Variants in CDH4 observed in about 807,000 individuals in gnomAD.
The protein encoded by CDH4 is cadherin-4.
In CDH4, 33 loss-of-function variants were observed where a neutral mutation model predicts 86.0. The observed-to-expected ratio is 0.38, with a 90% CI of 0.29 to 0.51. The LOEUF (loss-of-function observed/expected upper bound fraction) is 0.51, where lower values mean the gene tolerates loss of function less well. Among genes scored for constraint, CDH4 ranks in the 20% least tolerant of loss-of-function variants. CDH4 has a pLI of 0.86. For missense variants in CDH4, 1,114 were observed against 1,307.4 expected (o/e 0.85, Z 2.28); for synonymous variants, 555 against 549.4 (o/e 1.01, Z -0.14).
At chr20:61,411,387 G>A (rs1325671765) in intron 2 of CDH4, among the ~76,000 whole-genome samples, 1 of 149,726 alleles carries the variant, frequency 6.7e-6, no homozygotes, top group Non-Finnish European at 1.5e-5. Flanking sequence ...CTCATGCAAG[G>A]AAAAGCCGCA....
chr20:61,840,617 C>T (rs1024036789), intron 4 of CDH4, among the ~76,000 whole-genome samples: 7 of 152,174 alleles, frequency 4.6e-5, no homozygotes, highest in African/African-American at 1.4e-4. Flanking sequence ...TGGGTCTCCA[C>T]GGCATCCTAA....
intron 3 of CDH4, 109 bp from the exon 4 acceptor site, chr20:61,772,894 C>A: frequency 1.1e-6 from 1 of 906,038 alleles, no homozygotes; most frequent in Non-Finnish European, 1.6e-6. Context: ...GCGTTACCCG[C>A]CTTCCCTCTC....
At chr20:61,917,804 C>A (rs1041975865) in intron 9 of CDH4, among the ~76,000 whole-genome samples, 6 of 152,270 alleles carry the variant, frequency 3.9e-5, no homozygotes, top group Admixed American at 1.3e-4. Context: ...GAGCAAATTA[C>A]CTATTGATTT....
At chr20:61,344,039 G>A (rs1338413754) in intron 2 of CDH4, among the ~76,000 whole-genome samples, 3 of 152,184 alleles carry the variant, frequency 2.0e-5, no homozygotes, top group African/African-American at 7.2e-5. Flanking sequence ...ACAAGTTTGA[G>A]CAAAGACATA....
intron 6 of CDH4, among the ~76,000 whole-genome samples, chr20:61,868,188 C>T (rs1983633983): frequency 6.6e-6 from 1 of 152,196 alleles, no homozygotes; most frequent in East Asian, 1.9e-4. Flanking sequence ...GCTCATCCCA[C>T]GGTGGGGGTG....
At chr20:61,762,641 T>C (rs1289725798) in intron 3 of CDH4, among the ~76,000 whole-genome samples, 1 of 152,206 alleles carries the variant, frequency 6.6e-6, no homozygotes, top group Non-Finnish European at 1.5e-5. Context: ...AGAAGCACAA[T>C]CCCCTCTGTG....
At position 61,703,438 on chromosome 20, in the gene CDH4, G is replaced by T. The variant is rs2087797065; in HGVS notation, c.170-40125G>T. ...CATTTCATAAGGAGGGGACAGTGTG[G>T]CTGGGATATGGGCGGCCTTGCATTT... On this transcript the variant is annotated intron_variant, in intron 2 of 15. Transcript: ENST00000614565. This position sits in a 1 kb window ranked among gnomAD's most constrained non-coding sequence, Gnocchi z 4.3. Among the ~76,000 whole-genome samples the T allele has an allele frequency of 6.6e-6, 1 of 152,214 alleles. No individual in the cohort carries two copies. Among genetic ancestry groups the T allele is most frequent in the South Asian group, 2.1e-4 (1 of 4,828 alleles).
chr20:61,645,566 G>C (rs891326346), intron 2 of CDH4, among the ~76,000 whole-genome samples: 8 of 151,380 alleles, frequency 5.3e-5, no homozygotes, highest in Non-Finnish European at 1.2e-4. Context: ...CAAAGTCAAG[G>C]ATGCAGTGAG....
chr20:61,534,277 G>T (rs1275824711), intron 2 of CDH4, among the ~76,000 whole-genome samples: 1 of 152,210 alleles, frequency 6.6e-6, no homozygotes, highest in Non-Finnish European at 1.5e-5. Flanking sequence ...GTCTCATGCA[G>T]ATGGGACACT....
At chr20:61,478,454 C>A (rs2145576255) in intron 2 of CDH4, among the ~76,000 whole-genome samples, 1 of 152,298 alleles carries the variant, frequency 6.6e-6, no homozygotes, top group Admixed American at 6.5e-5. Flanking sequence ...AGATGTTTGA[C>A]CAGTCAGGGC....
chr20:61,604,612 G>T (rs952007242), intron 2 of CDH4, among the ~76,000 whole-genome samples: 4 of 152,134 alleles, frequency 2.6e-5, no homozygotes, highest in Non-Finnish European at 5.9e-5. Context: ...CCTGGCTTGG[G>T]AGGTGTCTCG....
chr20:61,771,021 T>C (rs552783004), intron 3 of CDH4, among the ~76,000 whole-genome samples: 1 of 150,340 alleles, frequency 6.7e-6, no homozygotes, highest in East Asian at 2.0e-4. Context: ...TTTTTTTTTT[T>C]TTTTTTGAGA....
intron 15 of CDH4, among the ~76,000 whole-genome samples, chr20:61,935,017 G>GA (rs1308096658): frequency 2.0e-5 from 3 of 152,226 alleles, no homozygotes; most frequent in African/African-American, 7.2e-5. Flanking sequence ...GAAGAGAACA[G>GA]AGGAGCAAGT....
intron 2 of CDH4, among the ~76,000 whole-genome samples, chr20:61,559,518 T>C (rs868488906): frequency 3.0e-5 from 4 of 134,458 alleles, no homozygotes; most frequent in African/African-American, 9.9e-5. Flanking sequence ...AATTTTTTTT[T>C]CTTTTTTTTT....
chr20:61,515,074 G>A (rs1018270175), intron 2 of CDH4, among the ~76,000 whole-genome samples: 16 of 152,382 alleles, frequency 1.0e-4, no homozygotes, highest in South Asian at 2.1e-4. Context: ...TGTCATTCAC[G>A]ATCATGTAGC....
At chr20:61,892,393 A>G (rs1490607763) in intron 7 of CDH4, among the ~76,000 whole-genome samples, 1 of 152,224 alleles carries the variant, frequency 6.6e-6, no homozygotes, top group Non-Finnish European at 1.5e-5. Context: ...TGAGACAGCC[A>G]TGGCCCCCCA....
chr20:61,634,734 T>C (rs1457163122), intron 2 of CDH4, among the ~76,000 whole-genome samples: 2 of 152,214 alleles, frequency 1.3e-5, no homozygotes, highest in Non-Finnish European at 2.9e-5. Context: ...TGTATTCACA[T>C]AGCTGTGCGG....
At position 61,760,526 on chromosome 20, in the gene CDH4, G is replaced by A. The variant is rs145010846; in HGVS notation, c.397-12477G>A. ...GGCCTCCAGAGGACAGCAGCATGAC[G>A]CTGGGCAGGTCGTGCAACCTCCCTG... On this transcript the variant is annotated intron_variant, in intron 3 of 15. Coordinates refer to ENST00000614565, the MANE Select transcript of CDH4 (RefSeq NM_001794.5). 9.7e-4 allele frequency among the ~76,000 whole-genome samples: 148 copies of A among 152,358 alleles called. 1 individual carries two copies. The highest frequency in any genetic ancestry group is 3.4e-3 in the African/African-American group (141 of 41,592).
chr20:61,294,470 A>C (rs947764739), intron 2 of CDH4, among the ~76,000 whole-genome samples: 1 of 152,146 alleles, frequency 6.6e-6, no homozygotes, highest in East Asian at 1.9e-4. Context: ...CAGAGGAAAC[A>C]CAGCTGCTCT....
Sources: gnomAD v4.1 joint callset for allele counts (sites outside exome capture counted in the v4.1 genomes callset) on GRCh38, gnomAD v4.1.1 for gene constraint, Gnocchi (gnomAD v3.1) non-coding constraint, MANE v1.5 for transcripts, NCBI Gene and HGNC (gene_info 2026-07-23, HGNC 2026-07-21) for gene names.